Variants in PIEZO2 observed in about 807,000 individuals in gnomAD.
The protein encoded by PIEZO2 is piezo-type mechanosensitive ion channel component 2.
PIEZO2 carries 172 observed loss-of-function variants against 337.3 expected under a neutral mutation model. The ratio of observed to expected loss-of-function variants is 0.51; its 90% confidence interval spans 0.45 to 0.58. PIEZO2 has a LOEUF of 0.58. Ranked by LOEUF, PIEZO2 falls within the 20% of genes least tolerant of loss-of-function variation. The pLI, the probability that PIEZO2 is intolerant of heterozygous loss-of-function variation, is 0.00. For missense variants in PIEZO2, 3,028 were observed against 3,391.3 expected (o/e 0.89, Z 2.66); for synonymous variants, 1,251 against 1,228.5 (o/e 1.02, Z -0.38).
chr18:10,951,383 A>G (rs2033289999), intron 3 of PIEZO2, among the ~76,000 whole-genome samples: 1 of 152,160 alleles, frequency 6.6e-6, no homozygotes, highest in African/African-American at 2.4e-5. Flanking sequence ...ATTCATCTCT[A>G]CATATTTTAT....
chr18:10,736,396 C>T (rs1012200929), intron 34 of PIEZO2, among the ~76,000 whole-genome samples: 1 of 152,150 alleles, frequency 6.6e-6, no homozygotes, highest in African/African-American at 2.4e-5. Flanking sequence ...CTGGGCTGTA[C>T]ATGGTTCTTG....
In PIEZO2 at chr18:11,048,774, A is replaced by G. The variant is rs1285767466; in HGVS notation, c.160+17353T>C. Reference sequence around the variant, plus strand: ...TGTCTCATGGGTATGGAAGCATTAAATGAATTACTATGTAGAAAGCTTGGG... The same window carrying G: ...TGTCTCATGGGTATGGAAGCATTAAGTGAATTACTATGTAGAAAGCTTGGG... On this transcript the variant is annotated intron_variant, in intron 2 of 55. Transcript: ENST00000674853. This position sits in a 1 kb window ranked among gnomAD's most constrained non-coding sequence, Gnocchi z 4.5. Among the ~76,000 whole-genome samples, 6 of 152,238 alleles carry G rather than the reference A, an allele frequency of 3.9e-5. No individual in the cohort carries two copies. The highest frequency in any genetic ancestry group is 8.8e-5 in the Non-Finnish European group (6 of 68,034).
At chr18:11,138,122 T>C (rs1420439508) in intron 1 of PIEZO2, among the ~76,000 whole-genome samples, 1 of 152,230 alleles carries the variant, frequency 6.6e-6, no homozygotes, top group Non-Finnish European at 1.5e-5. Context: ...TCTGAGATGT[T>C]CAAAACAAAA....
At chr18:10,871,595 A>T (rs563964298) in intron 4 of PIEZO2, among the ~76,000 whole-genome samples, 180 bp from the exon 5 acceptor site, 24 of 152,326 alleles carry the variant, frequency 1.6e-4, no homozygotes, top group African/African-American at 5.8e-4. Flanking sequence ...CTACACATTC[A>T]GGAAGATTCC....
chr18:10,800,014 A>G (rs1454284134), intron 11 of PIEZO2, among the ~76,000 whole-genome samples: 2 of 151,828 alleles, frequency 1.3e-5, no homozygotes, highest in Non-Finnish European at 2.9e-5. Context: ...CAGGAAAACC[A>G]CTGACCATAA....
intron 22 of PIEZO2, 95 bp downstream of exon 22, chr18:10,762,827 T>G: frequency 7.0e-7 from 1 of 1,420,092 alleles, no homozygotes; most frequent in Non-Finnish European, 9.4e-7. Context: ...ACAAGCCAGG[T>G]CAGGCCAAAT....
At chr18:10,699,315 T>C (rs1318810726) in intron 43 of PIEZO2, 138 bp from the exon 44 acceptor site, 10 of 1,185,970 alleles carry the variant, frequency 8.4e-6, no homozygotes, top group African/African-American at 3.1e-5. Flanking sequence ...TGTGTCCCCA[T>C]ATCTCATCTT....
In PIEZO2 at chr18:11,003,063, TTCTAACCTGGGAGATGTCCAGTGACATG is replaced by T. The variant is rs2035601799; in HGVS notation, c.161-23431_161-23404del. The stretch of plus-strand genomic sequence containing the variant: ...AAGGACAGCCTTAAGCACAAGGAGA[TTCTAACCTGGGAGATGTCCAGTGACATG>T]TCTTTGCCGTGCCCTCCCAGGTCTT... On this transcript the variant is annotated intron_variant, in intron 2 of 55. Transcript: ENST00000674853. The surrounding 1 kb of genome is among the most constrained non-coding windows in gnomAD (Gnocchi z 4.6). Among the ~76,000 whole-genome samples, 1 of 151,412 alleles carries T rather than the reference TTCTAACCTGGGAGATGTCCAGTGACATG, an allele frequency of 6.6e-6. No individual in the cohort carries two copies. The highest frequency in any genetic ancestry group is 2.1e-4 in the South Asian group (1 of 4,824).
At chr18:11,007,773 A>G (rs2145638986) in intron 2 of PIEZO2, among the ~76,000 whole-genome samples, 1 of 152,308 alleles carries the variant, frequency 6.6e-6, no homozygotes, top group Admixed American at 6.5e-5. Context: ...TTCTGTATCT[A>G]GCAAAACTAT....
rs936721262 is a variant in PIEZO2 at position 10,895,400 on chromosome 18, T to C, written c.329+15786A>G. Among the ~76,000 whole-genome samples the C allele has an allele frequency of 4.6e-5, 7 of 151,524 alleles. No individual in the cohort carries two copies. Among genetic ancestry groups the C allele is most frequent in the Non-Finnish European group, 1.0e-4 (7 of 67,842 alleles). On this transcript the variant is annotated intron_variant, in intron 4 of 55. Transcript: ENST00000674853. The surrounding 1 kb of genome is among the most constrained non-coding windows in gnomAD (Gnocchi z 4.8). ...GGCAGAGGTTGCAGTGAGCCGAGAT[T>C]GCACCACAGCACTCCAGCCTGGGCA...
rs1376880780 is a variant in PIEZO2, at chr18:11,064,873, T to C, written c.160+1254A>G. On this transcript the variant is annotated intron_variant, in intron 2 of 55. Transcript: ENST00000674853. ...GGAGCTCCACACCGTAGAATAGTAG[T>C]TGCCTGTATGCTATAATCTTGTTTC... Among the ~76,000 whole-genome samples the C allele has an allele frequency of 2.0e-5, 3 of 152,242 alleles. No homozygotes were observed. In the East Asian group the frequency reaches 5.8e-4, roughly 29 times the overall value.
chr18:10,797,550 A>G, intron 11 of PIEZO2, 28 bp from the exon 12 acceptor site: 26 of 1,534,794 alleles, frequency 1.7e-5, no homozygotes, highest in Non-Finnish European at 2.2e-5. Flanking sequence ...TTATTTAACT[A>G]TTTATGCAAA....
At chr18:10,749,600 G>A (rs574320298) in intron 29 of PIEZO2, among the ~76,000 whole-genome samples, 1 of 152,178 alleles carries the variant, frequency 6.6e-6, no homozygotes, top group Admixed American at 6.5e-5. Context: ...CAGGGTGGTG[G>A]CAATGACACT....
intron 3 of PIEZO2, among the ~76,000 whole-genome samples, chr18:10,971,911 C>G (rs934809413): frequency 1.3e-5 from 2 of 151,948 alleles, no homozygotes; most frequent in African/African-American, 2.4e-5. Context: ...CAGCCTAAGG[C>G]GAGGCACTTT....
chr18:11,034,980 C>T (rs1020798052), intron 2 of PIEZO2, among the ~76,000 whole-genome samples: 2 of 152,226 alleles, frequency 1.3e-5, no homozygotes, highest in South Asian at 2.1e-4. Context: ...TTTCCACCAA[C>T]GTTAGGAATG....
chr18:10,764,574 A>T (rs1223671066), intron 21 of PIEZO2, among the ~76,000 whole-genome samples: 1 of 147,464 alleles, frequency 6.8e-6, no homozygotes, highest in African/African-American at 2.6e-5. Flanking sequence ...TGGGTGACAG[A>T]GTGACACTAC....
In PIEZO2 at chr18:10,775,262, C is replaced by A. The variant is rs906391385; in HGVS notation, c.2535-1224G>T. Among the ~76,000 whole-genome samples the A allele has an allele frequency of 1.3e-5, 2 of 152,138 alleles. No individual in the cohort carries two copies. The highest frequency in any genetic ancestry group is 2.9e-5 in the Non-Finnish European group (2 of 68,036). ...AAGTTAGCTACTCTTAAAATTGCAA[C>A]CCATATCTTCTATACCAGTGCCACA... On this transcript the variant is annotated intron_variant, in intron 18 of 55. Coordinates refer to ENST00000674853, the MANE Select transcript of PIEZO2 (RefSeq NM_001378183.1). The surrounding 1 kb of genome is among the most constrained non-coding windows in gnomAD (Gnocchi z 4.3).
chr18:11,073,091 G>C (rs900994638), intron 1 of PIEZO2, among the ~76,000 whole-genome samples: 1 of 152,118 alleles, frequency 6.6e-6, no homozygotes, highest in East Asian at 1.9e-4. Context: ...ATTAACTTCG[G>C]AGGCGGGAGA....
chr18:10,816,018 T>C (rs1239473342), intron 7 of PIEZO2, among the ~76,000 whole-genome samples: 2 of 152,168 alleles, frequency 1.3e-5, no homozygotes, highest in African/African-American at 4.8e-5. Context: ...ACAACACAGG[T>C]ACCGGATTAC....
Sources: gnomAD v4.1 joint callset for allele counts (sites outside exome capture counted in the v4.1 genomes callset) on GRCh38, gnomAD v4.1.1 for gene constraint, Gnocchi (gnomAD v3.1) non-coding constraint, MANE v1.5 for transcripts, NCBI Gene and HGNC (gene_info 2026-07-23, HGNC 2026-07-21) for gene names.